The following ZNF385D variants were observed in gnomAD, a reference collection of about 807,000 sequenced individuals.
ZNF385D encodes zinc finger protein 385D.
Under a neutral mutation model 35.8 loss-of-function variants are expected in ZNF385D, and 15 were observed. The observed-to-expected ratio is 0.42, with a 90% CI of 0.28 to 0.64. ZNF385D has a LOEUF of 0.64. ZNF385D is among the 30% of genes least tolerant of loss of function. ZNF385D has a pLI of 0.23. For synonymous variants in ZNF385D, 212 were observed against 186.8 expected (o/e 1.13, Z -1.10); for missense variants, 474 against 494.6 (o/e 0.96, Z 0.39).
intron 1 of ZNF385D, among the ~76,000 whole-genome samples, chr3:21,698,532 A>T (rs967672786): frequency 2.0e-5 from 3 of 152,146 alleles, no homozygotes; most frequent in Non-Finnish European, 4.4e-5. Flanking sequence ...TGATGGATAC[A>T]CTAGAATCTC....
intron 1 of ZNF385D, among the ~76,000 whole-genome samples, chr3:21,699,948 C>T (rs1398672879): frequency 4.0e-5 from 6 of 149,998 alleles, no homozygotes; most frequent in African/African-American, 7.4e-5. Flanking sequence ...TCTCTTGTCT[C>T]GGCCTCCCAA....
At position 22,124,293 on chromosome 3, in the gene ZNF385D, T is replaced by C. The variant is rs558308622; in HGVS notation, c.325+44524A>G. On this transcript the variant is annotated intron_variant, in intron 3 of 5. Coordinates refer to the ZNF385D transcript ENST00000494108. ...GTAATGGCTGAATAGTACTTCATTGTGTATAAGTACCGCATTTTCATTATC... is the reference window on the plus strand; with the variant it reads ...GTAATGGCTGAATAGTACTTCATTGCGTATAAGTACCGCATTTTCATTATC... 4.6e-5 allele frequency among the ~76,000 whole-genome samples: 7 copies of C among 152,312 alleles called. No homozygotes were observed. The South Asian group carries it at 1.5e-3, about 32-fold the overall frequency.
intron 3 of ZNF385D, among the ~76,000 whole-genome samples, chr3:21,781,849 C>T (rs184308355): frequency 1.3e-5 from 2 of 151,980 alleles, no homozygotes; most frequent in Non-Finnish European, 2.9e-5. Flanking sequence ...TAATTGACCA[C>T]TCTAGCAATG....
Position 21,668,559 on chromosome 3 carries a change from T to C in ZNF385D, c.23-3531A>G, listed in dbSNP as rs531312014. 1.3e-4 allele frequency among the ~76,000 whole-genome samples: 20 copies of C among 152,272 alleles called. No individual in the cohort carries two copies. The East Asian group carries it at 3.1e-3, about 24-fold the overall frequency. The stretch of plus-strand genomic sequence containing the variant: ...TCAGGTGTTTAAGTAAAATGAAAAA[T>C]TGCTTTATTCTAAAATAGATGCTTG... On this transcript the variant is annotated intron_variant, in intron 1 of 7. Transcript: ENST00000281523.
At chr3:21,697,954 A>G (rs1319245441) in intron 1 of ZNF385D, among the ~76,000 whole-genome samples, 1 of 152,130 alleles carries the variant, frequency 6.6e-6, no homozygotes, top group East Asian at 1.9e-4. Context: ...ACCAACAGAT[A>G]TCGTCATGGA....
At chr3:21,751,687 A>G (rs2070095709), upstream of ZNF385D, among the ~76,000 whole-genome samples, 1 of 152,184 alleles carries the variant, frequency 6.6e-6, no homozygotes, top group South Asian at 2.1e-4. Context: ...CTGCTAGGGT[A>G]ATAGAGGTTC....
At chr3:21,750,800 C>T (rs1168219875) in intron 1 of ZNF385D, 95 bp downstream of exon 1, 6 of 1,517,446 alleles carry the variant, frequency 4.0e-6, no homozygotes, top group Non-Finnish European at 5.5e-6. Context: ...TTTAATGTAA[C>T]ATATTCTTGC....
chr3:21,876,512 T>C lies in ZNF385D; in HGVS notation c.326-211484A>G, dbSNP rs537355805. On this transcript the variant is annotated intron_variant, in intron 3 of 5. Coordinates refer to the ZNF385D transcript ENST00000494108. ...ACTAAGAATGACACTAAAGGCTGAC[T>C]TACTTTCTCATGTTTTCATTTAACC... Among the ~76,000 whole-genome samples, 173 of 151,918 alleles carry C rather than the reference T, an allele frequency of 1.1e-3. No individual in the cohort carries two copies. The Middle Eastern group carries it at 0.017, about 15-fold the overall frequency.
At chr3:21,936,395 T>C (rs562060140) in intron 3 of ZNF385D, among the ~76,000 whole-genome samples, 41 of 151,928 alleles carry the variant, frequency 2.7e-4, no homozygotes, top group African/African-American at 8.4e-4. Flanking sequence ...TGTAACAATT[T>C]TTTTTTTTTG....
At chr3:21,502,751 A>G (rs1706477262) in intron 4 of ZNF385D, among the ~76,000 whole-genome samples, 1 of 152,092 alleles carries the variant, frequency 6.6e-6, no homozygotes, top group Admixed American at 6.6e-5. Context: ...CTACCAGCAC[A>G]CTCTGCTAGC....
intron 4 of ZNF385D, among the ~76,000 whole-genome samples, chr3:21,495,349 A>G (rs1365807422): frequency 1.3e-5 from 2 of 152,172 alleles, no homozygotes; most frequent in African/African-American, 4.8e-5. Context: ...ATGGCAAAAA[A>G]TAACATAAGT....
At chr3:21,766,724 G>A (rs1250421874) in intron 3 of ZNF385D, among the ~76,000 whole-genome samples, 1 of 151,966 alleles carries the variant, frequency 6.6e-6, no homozygotes, top group Non-Finnish European at 1.5e-5. Context: ...GTGAAAAGAA[G>A]GTATTTCAGA....
intron 2 of ZNF385D, among the ~76,000 whole-genome samples, chr3:21,603,896 G>A (rs935682293): frequency 3.9e-5 from 6 of 152,132 alleles, no homozygotes; most frequent in Admixed American, 2.0e-4. Flanking sequence ...GCATAGCCAC[G>A]CAATTAGTTC....
intron 3 of ZNF385D, among the ~76,000 whole-genome samples, chr3:22,117,563 T>C (rs1702875768): frequency 6.7e-6 from 1 of 148,818 alleles, no homozygotes; most frequent in South Asian, 2.1e-4. Flanking sequence ...TTCACACTGA[T>C]TTATTCCACT....
Position 21,762,566 on chromosome 3 carries a change from C to T in ZNF385D, c.326-97538G>A, listed in dbSNP as rs1396350538. Among the ~76,000 whole-genome samples the T allele has an allele frequency of 8.5e-5, 13 of 152,162 alleles. No homozygotes were observed. In the East Asian group the frequency reaches 2.5e-3, roughly 29 times the overall value. On this transcript the variant is annotated intron_variant, in intron 3 of 5. Coordinates refer to the ZNF385D transcript ENST00000494108. ...TTTTCTTGTTTTTAATGTAAAACCT[C>T]ATTTGGCAAAATTAATATGTCTCAT...
chr3:21,834,909 T>C (rs1695233728), intron 3 of ZNF385D, among the ~76,000 whole-genome samples: 1 of 152,128 alleles, frequency 6.6e-6, no homozygotes, highest in East Asian at 1.9e-4. Flanking sequence ...TGATAGTAAG[T>C]TTCCTGAAGC....
chr3:21,533,847 G>C (rs2061978795), intron 3 of ZNF385D, among the ~76,000 whole-genome samples: 1 of 152,068 alleles, frequency 6.6e-6, no homozygotes, highest in South Asian at 2.1e-4. Flanking sequence ...TATTGGCAGA[G>C]CCCAGTTAAC....
At chr3:22,304,566 C>T (rs1703100266) in intron 2 of ZNF385D, among the ~76,000 whole-genome samples, 1 of 152,108 alleles carries the variant, frequency 6.6e-6, no homozygotes, top group Non-Finnish European at 1.5e-5. Context: ...TTAATATCTT[C>T]TATGGTTAGT....
chr3:22,134,620 C>A (rs1044170351), intron 3 of ZNF385D, among the ~76,000 whole-genome samples: 6 of 152,134 alleles, frequency 3.9e-5, no homozygotes, highest in African/African-American at 1.4e-4. Flanking sequence ...TAAAACAACT[C>A]TCCCTGTTTT....
Sources: allele counts gnomAD v4.1 joint callset (sites outside exome capture counted in the v4.1 genomes callset), GRCh38; gene constraint gnomAD v4.1.1; transcripts MANE v1.5; gene names NCBI Gene and HGNC (gene_info 2026-07-23, HGNC 2026-07-21).